The following DCDC1 variants were observed in gnomAD, a reference collection of about 807,000 sequenced individuals.
The protein encoded by DCDC1 is doublecortin domain containing 1.
DCDC1 carries 200 observed loss-of-function variants against 178.3 expected under a neutral mutation model. The ratio of observed to expected loss-of-function variants is 1.12; its 90% CI spans 1.00 to 1.26. The LOEUF is 1.26. Among genes scored for constraint, DCDC1 ranks in the 50% most tolerant of loss-of-function variants. The pLI is 0.00. For missense variants in DCDC1, 1,983 were observed against 1,749.2 expected (o/e 1.13, Z -2.38); for synonymous variants, 690 against 604.8 (o/e 1.14, Z -2.07).
intron 36 of DCDC1, among the ~76,000 whole-genome samples, chr11:30,884,693 C>T (rs1256111964): frequency 6.6e-6 from 1 of 151,530 alleles, no homozygotes; most frequent in Non-Finnish European, 1.5e-5. Context: ...AATCTAAGAC[C>T]CTTGTAAACA....
At chr11:31,277,343 C>T (rs1946068331) in intron 7 of DCDC1, among the ~76,000 whole-genome samples, 1 of 152,042 alleles carries the variant, frequency 6.6e-6, no homozygotes, top group East Asian at 1.9e-4. Flanking sequence ...GACTTTTTTA[C>T]TGTCTGTAAT....
At chr11:31,145,741 A>G (rs1259572128) in intron 9 of DCDC1, among the ~76,000 whole-genome samples, 1 of 152,188 alleles carries the variant, frequency 6.6e-6, no homozygotes. Flanking sequence ...AACTCTCAAG[A>G]TGTTTTGGAG....
intron 9 of DCDC1, among the ~76,000 whole-genome samples, chr11:31,150,046 A>T (rs1383029440): frequency 6.6e-6 from 1 of 152,228 alleles, no homozygotes; most frequent in African/African-American, 2.4e-5. Context: ...CATTCCCACC[A>T]GCAATTTAAA....
intron 9 of DCDC1, among the ~76,000 whole-genome samples, chr11:31,232,972 C>T (rs1312223182): frequency 9.9e-5 from 15 of 151,950 alleles, no homozygotes; most frequent in Admixed American, 7.9e-4. Flanking sequence ...CCTGTAACGC[C>T]AGCTACTCGG....
chr11:30,975,456 T>C (rs1950049747), intron 20 of DCDC1, among the ~76,000 whole-genome samples: 1 of 151,864 alleles, frequency 6.6e-6, no homozygotes, highest in African/African-American at 2.4e-5. Context: ...TAATATAATC[T>C]TATAGCTATA....
At chr11:31,164,461 A>T (rs918337636) in intron 9 of DCDC1, among the ~76,000 whole-genome samples, 21 of 152,166 alleles carry the variant, frequency 1.4e-4, no homozygotes, top group Non-Finnish European at 4.4e-5. Flanking sequence ...GTGGGACAAG[A>T]TGTGGAAGTG....
rs1359756109 is a variant in DCDC1 at position 30,873,331 on chromosome 11, G to T, written c.*40+5213C>A. On this transcript the variant is annotated intron_variant, in intron 38 of 38. Transcript: ENST00000684477. The stretch of plus-strand genomic sequence containing the variant: ...TAAAAATGTATAAATATATAAAAAT[G>T]TGTGTGTATATACATATATATATAT... Among the ~76,000 whole-genome samples, 3 of 133,792 alleles carry T rather than the reference G, an allele frequency of 2.2e-5. No individual in the cohort carries two copies. The East Asian group carries it at 6.2e-4, about 28-fold the overall frequency. 87.8% of individuals were successfully genotyped at this position (133,792 alleles called of 152,430 possible). A position where few individuals can be genotyped will look rare whatever the true frequency, so the allele number is the denominator to read the frequency against.
rs566810543 is a variant in DCDC1 at position 31,106,915 on chromosome 11, G to A, written c.1633C>T (p.Pro545Ser). The A allele has an allele frequency of 2.6e-6, 2 of 766,038 alleles. No homozygotes were observed. The highest frequency in any genetic ancestry group is 2.7e-5 in the South Asian group (2 of 74,608). 47.5% of individuals were successfully genotyped at this position (766,038 alleles called of 1,614,324 possible). The change falls in exon 13 of 39, where the codon CCA becomes TCA. Residue 545 changes from proline to serine, a missense_variant. Transcript: ENST00000684477. ...HQRLQGSSIN[P>S]PGLNYSSMRL... ...ATTGAAGAATAATTGAGGCCTGGTG[G>A]GTTGATGGAAGAACCTTGAAGCCTT...
At chr11:31,343,136 G>A (rs949589112) in intron 1 of DCDC1, among the ~76,000 whole-genome samples, 36 of 152,250 alleles carry the variant, frequency 2.4e-4, no homozygotes, top group African/African-American at 8.2e-4. Context: ...GCCAGGCCGA[G>A]TGGTGCATGC....
At chr11:30,947,532 C>A (rs574685870) in intron 21 of DCDC1, among the ~76,000 whole-genome samples, 158 of 152,030 alleles carry the variant, frequency 1.0e-3, no homozygotes, top group Middle Eastern at 6.8e-3. Context: ...GAAACTAGAC[C>A]CCTATTTCTC....
intron 23 of DCDC1, 58 bp from the exon 24 acceptor site, chr11:30,922,696 A>G (rs1349416311): frequency 7.0e-7 from 1 of 1,418,516 alleles, no homozygotes; most frequent in Admixed American, 3.8e-5. Context: ...ATTATCTGTA[A>G]TAATCTAAAC....
At chr11:31,102,328 A>C (rs1312335993) in intron 14 of DCDC1, 46 bp from the exon 15 acceptor site, 8 of 620,808 alleles carry the variant, frequency 1.3e-5, no homozygotes, top group Non-Finnish European at 2.4e-5. Flanking sequence ...AATAATATGC[A>C]TTTAATTACA....
intron 13 of DCDC1, 27 bp downstream of exon 13, chr11:31,106,770 G>A (rs750029076): frequency 1.3e-6 from 1 of 763,354 alleles, no homozygotes; most frequent in Non-Finnish European, 2.4e-6. Context: ...AAAGATTGAG[G>A]ACAGAAAACA....
intron 20 of DCDC1, among the ~76,000 whole-genome samples, chr11:30,983,608 G>A (rs1950496193): frequency 1.3e-5 from 2 of 152,096 alleles, no homozygotes; most frequent in African/African-American, 4.8e-5. Flanking sequence ...TGTTTTCCAT[G>A]ATATCTGAAA....
At chr11:30,868,502 C>T (rs953754790) in intron 38 of DCDC1, among the ~76,000 whole-genome samples, 5 of 151,976 alleles carry the variant, frequency 3.3e-5, no homozygotes, top group South Asian at 2.1e-4. Flanking sequence ...CCACCCACCT[C>T]GGCCTCCCAA....
At chr11:31,281,522 C>A (rs947492934) in intron 7 of DCDC1, among the ~76,000 whole-genome samples, 1 of 151,890 alleles carries the variant, frequency 6.6e-6, no homozygotes, top group Admixed American at 6.6e-5. Flanking sequence ...GAGCATATGG[C>A]TTTTTCCATA....
At chr11:31,012,510 G>A (rs1345144620) in intron 20 of DCDC1, among the ~76,000 whole-genome samples, 1 of 151,754 alleles carries the variant, frequency 6.6e-6, no homozygotes, top group Non-Finnish European at 1.5e-5. Flanking sequence ...GGAGGCTTAG[G>A]TGGGAGGATC....
chr11:30,963,377 C>T (rs1044401658), intron 20 of DCDC1, among the ~76,000 whole-genome samples: 1 of 152,076 alleles, frequency 6.6e-6, no homozygotes, highest in African/African-American at 2.4e-5. Flanking sequence ...CCATATCAGA[C>T]AGAAACAGTT....
intron 11 of DCDC1, among the ~76,000 whole-genome samples, chr11:31,115,201 C>T (rs1591095848): frequency 6.6e-6 from 1 of 152,124 alleles, no homozygotes; most frequent in African/African-American, 2.4e-5. Context: ...GGGAAAGCTG[C>T]CCTGAATGGG....
Sources: allele counts gnomAD v4.1 joint callset (sites outside exome capture counted in the v4.1 genomes callset), GRCh38; gene constraint gnomAD v4.1.1; transcripts MANE v1.5; gene names NCBI Gene and HGNC (gene_info 2026-07-23, HGNC 2026-07-21).